The following CSMD2 variants were observed in gnomAD, a reference collection of about 807,000 sequenced individuals.
CSMD2 encodes the protein CUB and sushi domain-containing protein 2.
In CSMD2, 130 loss-of-function variants were observed where a neutral mutation model predicts 398.5. The observed-to-expected ratio is 0.33, with a 90% CI of 0.28 to 0.38. The LOEUF (loss-of-function observed/expected upper bound fraction) is 0.38. Ranked by LOEUF, CSMD2 falls within the 10% of genes least tolerant of loss-of-function variation. CSMD2 has a pLI of 1.00. For synonymous variants in CSMD2, 1,828 were observed against 1,908.5 expected (o/e 0.96, Z 1.10); for missense variants, 3,829 against 4,764.9 (o/e 0.80, Z 5.78).
chr1:33,641,041 C>A (rs72890874), intron 29 of CSMD2, among the ~76,000 whole-genome samples: 3,596 of 152,272 alleles, frequency 0.024, 128 homozygotes, highest in African/African-American at 0.081. Flanking sequence ...CTCTGAAACG[C>A]CCCTGGCCCC....
intron 2 of CSMD2, among the ~76,000 whole-genome samples, chr1:34,043,176 A>C (rs1390006756): frequency 6.6e-6 from 1 of 151,998 alleles, no homozygotes; most frequent in Non-Finnish European, 1.5e-5. Context: ...CACCTGCCCC[A>C]GCCTCCCTAA....
At chr1:33,967,272 CG>C (rs59965672) in intron 3 of CSMD2, among the ~76,000 whole-genome samples, 2 of 142,196 alleles carry the variant, frequency 1.4e-5, no homozygotes, top group African/African-American at 5.3e-5. Flanking sequence ...TTTTTTAAAG[CG>C]GGGGGTGGGG....
intron 4 of CSMD2, among the ~76,000 whole-genome samples, chr1:33,920,594 A>G (rs535664826): frequency 1.5e-4 from 22 of 150,750 alleles, no homozygotes; most frequent in East Asian, 1.2e-3. Flanking sequence ...ATGCAGGAAG[A>G]AGGAGGAAAG....
chr1:33,993,618 C>CT (rs1228234807), intron 3 of CSMD2, among the ~76,000 whole-genome samples: 1 of 152,174 alleles, frequency 6.6e-6, no homozygotes, highest in African/African-American at 2.4e-5. Context: ...CAGCCACCAT[C>CT]TTGCTTTGCT....
intron 2 of CSMD2, among the ~76,000 whole-genome samples, chr1:34,045,033 C>A (rs2148201100): frequency 1.1e-5 from 1 of 92,092 alleles, no homozygotes; most frequent in South Asian, 4.1e-4. Context: ...CATAATCACA[C>A]ACCATACACA....
chr1:33,946,517 C>A (rs1444133730), intron 3 of CSMD2, among the ~76,000 whole-genome samples: 1 of 152,082 alleles, frequency 6.6e-6, no homozygotes, highest in Non-Finnish European at 1.5e-5. Flanking sequence ...GTGGTAAAAT[C>A]AATTCTTACA....
At chr1:33,653,551 C>T (rs915394661) in intron 27 of CSMD2, among the ~76,000 whole-genome samples, 3 of 152,090 alleles carry the variant, frequency 2.0e-5, no homozygotes, top group Non-Finnish European at 4.4e-5. Context: ...TCTACGTGGT[C>T]GCCCTCCCCT....
At position 33,652,426 on chromosome 1, in the gene CSMD2, C is replaced by T; in HGVS notation, c.4483G>A (p.Val1495Ile). The T allele has an allele frequency of 1.9e-6, 3 of 1,614,188 alleles. No individual in the cohort carries two copies. Among genetic ancestry groups the T allele is most frequent in the Non-Finnish European group, 2.5e-6 (3 of 1,180,026 alleles). The change falls in exon 28 of 71, where the codon GTC becomes ATC. Residue 1495 changes from valine to isoleucine, a missense_variant. Physicochemically the swap from Val to Ile is conservative, Grantham distance 29. Around this residue, in one of 5 missense-constraint regions of CSMD2, gnomAD observed 2,001 missense variants for 2,567.1 expected, o/e 0.78. Coordinates refer to ENST00000373381, the MANE Select transcript of CSMD2 (RefSeq NM_001281956.2). ...CGGDLTGPSG[V>I]ILSPNYPEPY... ...TCTGGGTAATTTGGTGAGAGGATGA[C>T]TCCAGATGGTCCTGTCAGGTCTCCC...
chr1:33,714,451 TC>T (rs767534612), intron 21 of CSMD2, 135 bp downstream of exon 21: 3 of 1,000,354 alleles, frequency 3.0e-6, no homozygotes, highest in Non-Finnish European at 4.5e-6. Context: ...CTGCCCCGGG[TC>T]CCACTGCAGG....
chr1:34,151,416 G>C (rs1335019450), intron 1 of CSMD2, among the ~76,000 whole-genome samples: 2 of 152,164 alleles, frequency 1.3e-5, no homozygotes, highest in Non-Finnish European at 2.9e-5. Context: ...ACGGAGGGGA[G>C]GGTCCTGGCT....
intron 5 of CSMD2, among the ~76,000 whole-genome samples, chr1:33,897,855 C>A (rs1642494274): frequency 6.6e-6 from 1 of 152,204 alleles, no homozygotes; most frequent in Non-Finnish European, 1.5e-5. Context: ...AATGTTATCT[C>A]CCTCAATTCT....
At chr1:33,794,738 TC>T in intron 10 of CSMD2, among the ~76,000 whole-genome samples, 1 of 152,288 alleles carries the variant, frequency 6.6e-6, no homozygotes, top group East Asian at 1.9e-4. Context: ...GGAGTCCAAT[TC>T]GCAGCAAGGT....
chr1:33,954,765 C>A (rs1422791477), intron 3 of CSMD2, among the ~76,000 whole-genome samples: 2 of 151,986 alleles, frequency 1.3e-5, no homozygotes, highest in Admixed American at 1.3e-4. Context: ...TAGTCAAACT[C>A]ATTGAGAAAG....
At chr1:33,639,470 T>C (rs1203270882) in intron 29 of CSMD2, among the ~76,000 whole-genome samples, 1 of 152,240 alleles carries the variant, frequency 6.6e-6, no homozygotes, top group Non-Finnish European at 1.5e-5. Context: ...TCTGTTTTTC[T>C]TTCCCTGGTT....
rs558976513 is a variant in CSMD2, at chr1:34,114,365, A to G, written c.188-25172T>C. Among the ~76,000 whole-genome samples, 12 of 151,986 alleles carry G rather than the reference A, an allele frequency of 7.9e-5. No individual in the cohort carries two copies. The South Asian group carries it at 2.5e-3, about 32-fold the overall frequency. On this transcript the variant is annotated intron_variant, in intron 1 of 70. Transcript: ENST00000373381. ...TAAAAAAATAACAAAGCACACTTAA[A>G]AAAAAAAAACGAAAAACAAGGCAAC...
intron 3 of CSMD2, among the ~76,000 whole-genome samples, chr1:33,985,311 C>T (rs536787075): frequency 5.3e-5 from 8 of 152,206 alleles, no homozygotes; most frequent in African/African-American, 1.9e-4. Flanking sequence ...CTAGGGGAGG[C>T]GAGAGTGAGA....
At chr1:34,098,424 T>A (rs185860401) in intron 1 of CSMD2, among the ~76,000 whole-genome samples, 2,686 of 147,066 alleles carry the variant, frequency 0.018, 33 homozygotes, top group South Asian at 0.041. Context: ...AATAAAAAAA[T>A]AAATAAATAA....
chr1:33,793,470 C>T (rs1478140029), intron 10 of CSMD2, among the ~76,000 whole-genome samples: 2 of 152,154 alleles, frequency 1.3e-5, no homozygotes, highest in Admixed American at 6.5e-5. Flanking sequence ...GCCTGGCTCT[C>T]GGGGATAATG....
intron 9 of CSMD2, among the ~76,000 whole-genome samples, chr1:33,813,477 A>G (rs1657083041): frequency 6.6e-6 from 1 of 152,172 alleles, no homozygotes; most frequent in South Asian, 2.1e-4. Context: ...ATATCTCACT[A>G]AATGAATGAA....
Sources: gnomAD v4.1 joint callset for allele counts (sites outside exome capture counted in the v4.1 genomes callset) on GRCh38, gnomAD v4.1.1 for gene constraint, gnomAD v4.1.1 regional missense constraint, MANE v1.5 for transcripts, NCBI Gene and HGNC (gene_info 2026-07-23, HGNC 2026-07-21) for gene names.